Variants in TRAPPC9 observed in about 807,000 individuals in gnomAD.
The protein encoded by TRAPPC9 is IKK2 binding protein.
TRAPPC9 carries 83 observed loss-of-function variants against 124.0 expected under a neutral mutation model. The observed-to-expected ratio is 0.67, with a 90% CI of 0.56 to 0.80. The LOEUF (loss-of-function observed/expected upper bound fraction) is 0.80, where lower values mean the gene tolerates loss of function less well. TRAPPC9 is among the 30% of genes least tolerant of loss of function. TRAPPC9 has a pLI of 0.00. For missense variants in TRAPPC9, 1,302 were observed against 1,508.3 expected, an observed-to-expected ratio of 0.86 and a Z score of 2.27; for synonymous variants, 638 against 617.5, an observed-to-expected ratio of 1.03 and a Z score of -0.49.
intron 20 of TRAPPC9, among the ~76,000 whole-genome samples, chr8:139,887,091 A>G (rs1830060958): frequency 6.6e-6 from 1 of 152,168 alleles, no homozygotes; most frequent in Non-Finnish European, 1.5e-5. Flanking sequence ...TGTCCAGACA[A>G]GAAGGCTGCC....
At chr8:140,004,492 TCTGA>T (rs1416003818) in intron 18 of TRAPPC9, among the ~76,000 whole-genome samples, 1 of 152,244 alleles carries the variant, frequency 6.6e-6, no homozygotes, top group Non-Finnish European at 1.5e-5. Flanking sequence ...ATTTAATTTC[TCTGA>T]CTGTCAGTTT....
rs1381873915 is a variant in TRAPPC9 at position 140,087,676 on chromosome 8, T to C, written c.2557-63597A>G. Among the ~76,000 whole-genome samples, 1 of 152,174 alleles carries C rather than the reference T, an allele frequency of 6.6e-6. No homozygotes were observed. The highest frequency in any genetic ancestry group is 1.5e-5 in the Non-Finnish European group (1 of 68,028). On this transcript the variant is annotated intron_variant, in intron 17 of 22. Transcript: ENST00000438773. The surrounding 1 kb of genome is among the most constrained non-coding windows in gnomAD (Gnocchi z 4.6). ...CTGCTGCCGCCCTCATCCAAGCCAC[T>C]GTCATCGCTTGTCTGGACAATGCCA...
chr8:140,228,771 G>A (rs1460817548), intron 16 of TRAPPC9, among the ~76,000 whole-genome samples: 1 of 152,198 alleles, frequency 6.6e-6, no homozygotes, highest in Non-Finnish European at 1.5e-5. Flanking sequence ...CACTAAAAGT[G>A]ACTGAATTGT....
intron 9 of TRAPPC9, among the ~76,000 whole-genome samples, chr8:140,311,684 G>C (rs1468186503): frequency 1.3e-5 from 2 of 152,162 alleles, no homozygotes. Context: ...CAGGACTAGA[G>C]AATCAGTATA....
intron 21 of TRAPPC9, among the ~76,000 whole-genome samples, chr8:139,764,386 C>T (rs899978275): frequency 4.6e-5 from 7 of 152,110 alleles, no homozygotes; most frequent in Non-Finnish European, 1.0e-4. Flanking sequence ...TGAAGCAGTC[C>T]AGAAAGAAAG....
Position 139,961,149 on chromosome 8 carries a change from C to T in TRAPPC9, c.2810+27577G>A, listed in dbSNP as rs898515949. Among the ~76,000 whole-genome samples, 5 of 124,828 alleles carry T rather than the reference C, an allele frequency of 4.0e-5. 2 individuals are homozygous for T. In the East Asian group the frequency reaches 1.1e-3, roughly 28 times the overall value. 81.9% of individuals were successfully genotyped at this position (124,828 alleles called of 152,430 possible). A position where few individuals can be genotyped will look rare whatever the true frequency, so the allele number is the denominator to read the frequency against. ...ACAGCAGGAAACCCACATGTGTCCTCGGACAAACCCACGTGTGTCCTCAGC... is the reference window on the plus strand; with the variant it reads ...ACAGCAGGAAACCCACATGTGTCCTTGGACAAACCCACGTGTGTCCTCAGC... On this transcript the variant is annotated intron_variant, in intron 19 of 22. Transcript: ENST00000438773.
At chr8:139,812,254 T>C (rs1824493696) in intron 21 of TRAPPC9, among the ~76,000 whole-genome samples, 1 of 152,160 alleles carries the variant, frequency 6.6e-6, no homozygotes, top group East Asian at 1.9e-4. Context: ...AAGGGAAGTA[T>C]AATCATAATA....
intron 19 of TRAPPC9, among the ~76,000 whole-genome samples, chr8:139,953,383 C>A (rs1834774827): frequency 6.6e-6 from 1 of 152,170 alleles, no homozygotes; most frequent in Non-Finnish European, 1.5e-5. Context: ...ATCTCAGCTA[C>A]TCAGGAGGCT....
In TRAPPC9 at chr8:140,271,536, A is replaced by G. The variant is rs565912048; in HGVS notation, c.2278+4122T>C. Among the ~76,000 whole-genome samples the G allele has an allele frequency of 2.6e-5, 4 of 152,202 alleles. No individual in the cohort carries two copies. The South Asian group carries it at 8.3e-4, about 32-fold the overall frequency. On this transcript the variant is annotated intron_variant, in intron 15 of 22. Coordinates refer to ENST00000438773, the MANE Select transcript of TRAPPC9 (RefSeq NM_001160372.4). ...TCAGGAGAGATGGGGAAGGGGAGGGAGAAACAGAGATAGAGACAGAGAGAG... is the reference window on the plus strand; with the variant it reads ...TCAGGAGAGATGGGGAAGGGGAGGGGGAAACAGAGATAGAGACAGAGAGAG...
chr8:140,282,514 A>AG, intron 14 of TRAPPC9, among the ~76,000 whole-genome samples: 1 of 151,604 alleles, frequency 6.6e-6, no homozygotes, highest in South Asian at 2.1e-4. Flanking sequence ...AAAAAAAAAA[A>AG]AAAGATTGTG....
intron 19 of TRAPPC9, among the ~76,000 whole-genome samples, chr8:139,971,833 T>A (rs187929986): frequency 1.8e-4 from 26 of 143,122 alleles, no homozygotes; most frequent in African/African-American, 5.5e-4. Context: ...ACACACACAA[T>A]TTTTTTTTTT....
intron 17 of TRAPPC9, among the ~76,000 whole-genome samples, chr8:140,179,640 T>C (rs2062152996): frequency 6.6e-6 from 1 of 152,130 alleles, no homozygotes. Flanking sequence ...TTCTTTCTAT[T>C]TGATCTATCA....
intron 17 of TRAPPC9, among the ~76,000 whole-genome samples, chr8:140,162,396 A>G (rs2061766474): frequency 6.6e-6 from 1 of 152,136 alleles, no homozygotes; most frequent in African/African-American, 2.4e-5. Flanking sequence ...ACTCTAACCT[A>G]GGCCAGTACT....
intron 16 of TRAPPC9, among the ~76,000 whole-genome samples, chr8:140,233,559 T>TCA (rs2063654153): frequency 6.8e-6 from 1 of 147,250 alleles, no homozygotes; most frequent in South Asian, 2.2e-4. Flanking sequence ...CCTCTCTCTC[T>TCA]CACACACACA....
chr8:140,346,602 C>A (rs376234436), intron 9 of TRAPPC9, among the ~76,000 whole-genome samples: 13 of 152,296 alleles, frequency 8.5e-5, no homozygotes, highest in Middle Eastern at 3.4e-3. Context: ...CACTCTCATT[C>A]AGAAAGCCTC....
At chr8:140,311,121 G>GA (rs1343833437) in intron 10 of TRAPPC9, 127 bp downstream of exon 10, 2 of 1,126,138 alleles carry the variant, frequency 1.8e-6, no homozygotes, top group African/African-American at 3.1e-5. Flanking sequence ...CAAGTTTAAT[G>GA]AGATAATGAA....
Position 140,300,550 on chromosome 8 carries a change from G to C in TRAPPC9, c.1687C>G (p.Gln563Glu). Residue 563 changes from glutamine (Q) to glutamate (E), a missense_variant, in exon 11 of 23, where the codon CAG becomes GAG. This residue lies in a region of TRAPPC9 where 657 missense variants were observed against 811.2 expected (regional missense o/e 0.81). Transcript: ENST00000438773. ...AAAGGACTTTTGGTTGACACGTTCT[G>C]ACCCAGCAAGCTTTTCATTTTGTGT... ...RPHKMKSLLG[Q>E]NVSTKSPFIY... 1 of 1,614,234 alleles carries C rather than the reference G, an allele frequency of 6.2e-7. No individual in the cohort carries two copies. Among genetic ancestry groups the C allele is most frequent in the Non-Finnish European group, 8.5e-7 (1 of 1,180,038 alleles).
chr8:140,088,339 A>G (rs1844337179), intron 17 of TRAPPC9, among the ~76,000 whole-genome samples: 1 of 152,168 alleles, frequency 6.6e-6, no homozygotes, highest in Non-Finnish European at 1.5e-5. Context: ...AAAATCTATC[A>G]CCTAAGAGGT....
intron 18 of TRAPPC9, among the ~76,000 whole-genome samples, chr8:140,014,295 A>G (rs531025494): frequency 9.2e-5 from 14 of 152,326 alleles, no homozygotes; most frequent in South Asian, 2.1e-4. Context: ...TCAGACAGGG[A>G]TGGTCCAGCC....
Sources: allele counts gnomAD v4.1 joint callset (sites outside exome capture counted in the v4.1 genomes callset), GRCh38; gene constraint gnomAD v4.1.1; regional missense constraint gnomAD v4.1.1; non-coding constraint Gnocchi (gnomAD v3.1); transcripts MANE v1.5; gene names NCBI Gene and HGNC (gene_info 2026-07-23, HGNC 2026-07-21).